NHEJ1: variants seen among roughly 807,000 people sequenced by gnomAD.
NHEJ1 encodes the protein non-homologous end joining factor 1, also known as non-homologous end-joining factor 1.
NHEJ1 carries 22 observed loss-of-function variants against 39.4 expected under a neutral mutation model. The ratio of observed to expected loss-of-function variants is 0.56; its 90% CI spans 0.40 to 0.80. NHEJ1 has a LOEUF of 0.80. NHEJ1 is among the 30% of genes least tolerant of loss of function. The pLI, the probability that NHEJ1 is intolerant of heterozygous loss-of-function variation, is 0.00. For synonymous variants in NHEJ1, 154 were observed against 135.6 expected, an observed-to-expected ratio of 1.14 and a Z score of -0.94; for missense variants, 329 against 357.1, an observed-to-expected ratio of 0.92 and a Z score of 0.63.
chr2:219,160,622 C>T (rs773726578), intron 1 of NHEJ1, 98 bp downstream of exon 1: 1 of 152,260 alleles, frequency 6.6e-6, no homozygotes, highest in African/African-American at 2.4e-5. Flanking sequence ...CGCGCGCTCC[C>T]TCCAGGGAGA....
At chr2:219,085,911 T>C (rs1036899788) in intron 5 of NHEJ1, among the ~76,000 whole-genome samples, 4 of 152,060 alleles carry the variant, frequency 2.6e-5, no homozygotes, top group Admixed American at 1.3e-4. Context: ...AGGTGCAGAG[T>C]TCAAAACAGT....
intron 5 of NHEJ1, among the ~76,000 whole-genome samples, chr2:219,086,003 G>A (rs1949108455): frequency 6.6e-6 from 1 of 152,120 alleles, no homozygotes; most frequent in African/African-American, 2.4e-5. Flanking sequence ...CTGGACTGCA[G>A]GGTCAGAAGA....
At chr2:219,087,444 T>G (rs1949121794) in intron 5 of NHEJ1, among the ~76,000 whole-genome samples, 1 of 151,968 alleles carries the variant, frequency 6.6e-6, no homozygotes, top group Non-Finnish European at 1.5e-5. Flanking sequence ...GGCACAAAGT[T>G]GATTTAGAGT....
intron 5 of NHEJ1, among the ~76,000 whole-genome samples, chr2:219,140,883 A>C (rs1490059177): frequency 1.3e-5 from 2 of 152,240 alleles, no homozygotes; most frequent in Admixed American, 6.5e-5. Flanking sequence ...GGATCAAATC[A>C]TAAATGATCA....
In NHEJ1 at chr2:219,078,142, T is replaced by G. The variant is rs776714106; in HGVS notation, c.653A>C (p.Tyr218Ser). 2.3e-5 allele frequency: 37 copies of G among 1,614,080 alleles called. No homozygotes were observed. Among genetic ancestry groups the G allele is most frequent in the Non-Finnish European group, 8.5e-7 (1 of 1,180,030 alleles). ...KPFVMNLQDL[Y>S]MAVTTQEVQV... ...GACCTCTTGTGTGGTGACTGCCATA[T>G]ACAGATCCTGCAGATTCATGACAAA... The change falls in exon 6 of 8, where the codon TAT becomes TCT. Residue 218 changes from tyrosine to serine, a missense_variant. Transcript: ENST00000356853.
intron 4 of NHEJ1, 144 bp from the exon 5 acceptor site, chr2:219,146,882 G>A: frequency 1.4e-6 from 1 of 692,028 alleles, no homozygotes; most frequent in South Asian, 1.6e-5. Context: ...GGGAGAAGAA[G>A]GGCTGAGAGC....
intron 5 of NHEJ1, among the ~76,000 whole-genome samples, chr2:219,142,992 C>T (rs1448151479): frequency 1.3e-5 from 2 of 152,184 alleles, no homozygotes; most frequent in Non-Finnish European, 2.9e-5. Flanking sequence ...TTCTTATTTT[C>T]CCGAGCCTTA....
chr2:219,114,882 G>A (rs1949396346), intron 5 of NHEJ1, among the ~76,000 whole-genome samples: 2 of 152,196 alleles, frequency 1.3e-5, no homozygotes, highest in African/African-American at 4.8e-5. Context: ...ACCAGTGAGT[G>A]CTGCCGACTT....
At chr2:219,145,464 A>T (rs1949729932) in intron 5 of NHEJ1, among the ~76,000 whole-genome samples, 2 of 152,234 alleles carry the variant, frequency 1.3e-5, no homozygotes, top group Admixed American at 1.3e-4. Context: ...CCCTTTAAAA[A>T]GTGCTAATTT....
chr2:219,158,168 A>C lies in NHEJ1; in HGVS notation c.177+18T>G. The C allele has an allele frequency of 2.5e-5, 40 of 1,579,548 alleles. No homozygotes were observed. Among genetic ancestry groups the C allele is most frequent in the Middle Eastern group, 1.7e-4 (1 of 5,958 alleles). Reference sequence around the variant, plus strand: ...ATGTTCACATCCCCGACACAGCAGTACTTCTCCTCATACTTACCTTGGCTC... The same window carrying C: ...ATGTTCACATCCCCGACACAGCAGTCCTTCTCCTCATACTTACCTTGGCTC... On this transcript the variant is annotated intron_variant, in intron 2 of 7. Coordinates refer to ENST00000356853, the MANE Select transcript of NHEJ1 (RefSeq NM_024782.3).
intron 5 of NHEJ1, among the ~76,000 whole-genome samples, chr2:219,082,462 A>G (rs7559667): frequency 0.53 from 79,865 of 152,066 alleles, 23,697 homozygotes; most frequent in Non-Finnish European, 0.67. Context: ...TCCAATTAGC[A>G]TTTTCAACTA....
At chr2:219,123,382 GAGAC>G (rs1419450174) in intron 5 of NHEJ1, among the ~76,000 whole-genome samples, 1 of 152,188 alleles carries the variant, frequency 6.6e-6, no homozygotes, top group Non-Finnish European at 1.5e-5. Context: ...GATGCAGTGA[GAGAC>G]AGAAGGAGTC....
At chr2:219,097,486 A>G (rs1476018938) in intron 5 of NHEJ1, among the ~76,000 whole-genome samples, 1 of 152,204 alleles carries the variant, frequency 6.6e-6, no homozygotes, top group Non-Finnish European at 1.5e-5. Context: ...GAATCTTGCT[A>G]TATTGTCCAT....
chr2:219,086,566 C>A (rs1249910516), intron 5 of NHEJ1, among the ~76,000 whole-genome samples: 1 of 152,214 alleles, frequency 6.6e-6, no homozygotes, highest in African/African-American at 2.4e-5. Flanking sequence ...CCTTACTTCA[C>A]CCCTTGAGTG....
intron 5 of NHEJ1, among the ~76,000 whole-genome samples, chr2:219,106,992 T>C (rs1332882602): frequency 6.6e-6 from 1 of 152,228 alleles, no homozygotes; most frequent in Non-Finnish European, 1.5e-5. Context: ...TGCCTTCTAG[T>C]ACACTTGAGT....
rs572041542 is a variant in NHEJ1 at position 219,091,006 on chromosome 2, A to G, written c.589-12800T>C. Among the ~76,000 whole-genome samples, 41 of 152,304 alleles carry G rather than the reference A, an allele frequency of 2.7e-4. 1 individual carries two copies. Among genetic ancestry groups the G allele is most frequent in the African/African-American group, 7.9e-4 (33 of 41,562 alleles). ...CTTCCCCATTAGGCTGTGAGCCCCTAGAGTTCAGGGACCATTCATCTAGCA... is the reference window on the plus strand; with the variant it reads ...CTTCCCCATTAGGCTGTGAGCCCCTGGAGTTCAGGGACCATTCATCTAGCA... On this transcript the variant is annotated intron_variant, in intron 5 of 7. Transcript: ENST00000356853.
At position 219,153,701 on chromosome 2, in the gene NHEJ1, G is replaced by GC. The variant is rs1357275099; in HGVS notation, c.390+3770_390+3771insG. Among the ~76,000 whole-genome samples, 13 of 130,572 alleles carry GC rather than the reference G, an allele frequency of 1.0e-4. No individual in the cohort carries two copies. The East Asian group carries it at 1.7e-3, about 17-fold the overall frequency. 85.7% of individuals were successfully genotyped at this position (130,572 alleles called of 152,430 possible). A position where few individuals can be genotyped will look rare whatever the true frequency, so the allele number is the denominator to read the frequency against. On this transcript the variant is annotated intron_variant, in intron 3 of 7. Transcript: ENST00000356853. ...AAGAAAAAGAAAGAAAAGGGGGGGG[G>GC]GGTGGAGAGAGAGAGAGAGAGCAAG... is the stretch of plus-strand genomic sequence containing the variant.
At chr2:219,101,945 C>T (rs1240088789) in intron 5 of NHEJ1, among the ~76,000 whole-genome samples, 1 of 149,466 alleles carries the variant, frequency 6.7e-6, no homozygotes, top group Non-Finnish European at 1.5e-5. Flanking sequence ...AAGATGGTCT[C>T]GATCTCCTGA....
At chr2:219,121,469 T>C (rs564399853) in intron 5 of NHEJ1, among the ~76,000 whole-genome samples, 1 of 152,368 alleles carries the variant, frequency 6.6e-6, no homozygotes, top group African/African-American at 2.4e-5. Context: ...ATTTATCCTA[T>C]GTCCACCTCT....
Sources: gnomAD v4.1 joint callset for allele counts (sites outside exome capture counted in the v4.1 genomes callset) on GRCh38, gnomAD v4.1.1 for gene constraint, MANE v1.5 for transcripts, NCBI Gene and HGNC (gene_info 2026-07-23, HGNC 2026-07-21) for gene names.